Variants in TSPAN7 observed in about 807,000 individuals in gnomAD.
TSPAN7 encodes tetraspanin-7.
In TSPAN7, 1 loss-of-function variant was observed where a neutral mutation model predicts 17.6. That is an observed-to-expected ratio of 0.06 (90% CI 0.02 to 0.27). TSPAN7 has a LOEUF of 0.27. Among genes scored for constraint, TSPAN7 ranks in the 10% least tolerant of loss-of-function variants. The pLI is 1.00. For synonymous variants in TSPAN7, 78 were observed against 79.0 expected (o/e 0.99, Z 0.07); for missense variants, 112 against 201.7 (o/e 0.56, Z 2.69).
chrX:38,571,871 A>C (rs7884955), intron 1 of TSPAN7, among the ~76,000 whole-genome samples: 8,410 of 111,110 alleles, frequency 0.076, 633 homozygotes, highest in African/African-American at 0.23. Context: ...GGTACCATAA[A>C]GCTGAATTGA....
chrX:38,663,886 T>G (rs1407388280), intron 1 of TSPAN7, among the ~76,000 whole-genome samples: 1 of 112,458 alleles, frequency 8.9e-6, no homozygotes, highest in Non-Finnish European at 1.9e-5. Flanking sequence ...GCAATCACAT[T>G]CCAATAAGGA....
At chrX:38,572,294 A>G (rs1030275222) in intron 1 of TSPAN7, among the ~76,000 whole-genome samples, 2 of 111,402 alleles carry the variant, frequency 1.8e-5, no homozygotes, top group Non-Finnish European at 3.8e-5. Flanking sequence ...AAGCATGTTC[A>G]CTGCAGTGTG....
At chrX:38,626,003 C>T (rs944280334) in intron 1 of TSPAN7, among the ~76,000 whole-genome samples, 1 of 112,072 alleles carries the variant, frequency 8.9e-6, no homozygotes, top group Non-Finnish European at 1.9e-5. Context: ...ATGGGAATCA[C>T]GTGAATTTGT....
chrX:38,589,727 C>T (rs2069280152), intron 1 of TSPAN7, among the ~76,000 whole-genome samples: 1 of 111,575 alleles, frequency 9.0e-6, no homozygotes, highest in East Asian at 2.8e-4. Context: ...TCTTTTTCTA[C>T]CTTCTGTTAG....
intron 1 of TSPAN7, among the ~76,000 whole-genome samples, chrX:38,562,608 G>T (rs2069119291): frequency 9.1e-6 from 1 of 109,775 alleles, no homozygotes; most frequent in Non-Finnish European, 1.9e-5. Context: ...CTCCAGGCTT[G>T]TGCCTTACCT....
chrX:38,677,480 G>A (rs1055412352), intron 5 of TSPAN7, among the ~76,000 whole-genome samples: 3 of 111,879 alleles, frequency 2.7e-5, no homozygotes, highest in African/African-American at 9.7e-5. Flanking sequence ...GTTTGGAGAC[G>A]TATCTTATAG....
intron 1 of TSPAN7, among the ~76,000 whole-genome samples, chrX:38,657,552 T>G (rs773141377): frequency 1.3e-4 from 14 of 111,567 alleles, no homozygotes; most frequent in Admixed American, 1.2e-3. Flanking sequence ...TGTTGACCAG[T>G]CTTTGGCATC....
chrX:38,681,412 C>A lies in TSPAN7; in HGVS notation c.681+125C>A, dbSNP rs1023964933. 7.2e-5 allele frequency: 41 copies of A among 568,741 alleles called. No homozygotes were observed. The Admixed American group carries it at 1.0e-3, about 14-fold the overall frequency. The allele number at this position is 568,741 out of a possible 1,213,427, so 46.9% of individuals were successfully genotyped here. On this transcript the variant is annotated intron_variant, in intron 6 of 7. Transcript: ENST00000378482. ...TGATAGATGGGGTCAAAGCTCCTTG[C>A]TCATTAGTCCTCAGGTGATCTGTTT...
chrX:38,675,884 A>G, intron 5 of TSPAN7, 24 bp downstream of exon 5: 1 of 1,208,981 alleles, frequency 8.3e-7, no homozygotes, highest in Non-Finnish European at 1.1e-6. Flanking sequence ...CCTGGCCCAG[A>G]TGGGACCAGT....
At chrX:38,646,524 C>T (rs775927588) in intron 1 of TSPAN7, among the ~76,000 whole-genome samples, 12 of 111,965 alleles carry the variant, frequency 1.1e-4, no homozygotes, top group Non-Finnish European at 1.3e-4. Context: ...GGAGAAAGTG[C>T]GTTCGCAATT....
intron 5 of TSPAN7, 53 bp downstream of exon 5, chrX:38,675,913 C>A: frequency 8.7e-7 from 1 of 1,153,455 alleles, no homozygotes; most frequent in Non-Finnish European, 1.2e-6. Flanking sequence ...TTTGGGGGGG[C>A]TTTTTTATTT....
At chrX:38,632,542 C>A (rs1330675403) in intron 1 of TSPAN7, among the ~76,000 whole-genome samples, 1 of 112,291 alleles carries the variant, frequency 8.9e-6, no homozygotes, top group Non-Finnish European at 1.9e-5. Context: ...CTGCCGGCAG[C>A]CAGAAAGGAA....
chrX:38,598,991 T>C (rs1217525434), intron 1 of TSPAN7, among the ~76,000 whole-genome samples: 3 of 112,060 alleles, frequency 2.7e-5, no homozygotes, highest in Non-Finnish European at 5.7e-5. Flanking sequence ...TTTTACTTTC[T>C]GCTTTCCCTG....
chrX:38,664,627 T>C (rs1180440897), intron 1 of TSPAN7, among the ~76,000 whole-genome samples: 2 of 112,361 alleles, frequency 1.8e-5, no homozygotes, highest in Non-Finnish European at 3.8e-5. Context: ...AATATTAGTG[T>C]CAAACACTTT....
At chrX:38,644,723 GT>G (rs1216738543) in intron 1 of TSPAN7, among the ~76,000 whole-genome samples, 7 of 112,309 alleles carry the variant, frequency 6.2e-5, no homozygotes, top group Non-Finnish European at 1.1e-4. Flanking sequence ...AATTGTGAGG[GT>G]TGGACTAGAG....
At position 38,688,292 on chromosome X, in the gene TSPAN7, C is replaced by T. The variant is rs1299847772; in HGVS notation, c.*361C>T. ...TGACTGGTTATCACACCATCGCTGG[C>T]CCCTTTGGGCCCTGCATGTAGTGTG... On this transcript the variant is annotated 3_prime_UTR_variant, in exon 8 of 8. Coordinates refer to ENST00000378482, the MANE Select transcript of TSPAN7 (RefSeq NM_004615.4). 2 of 113,503 alleles carry T rather than the reference C, an allele frequency of 1.8e-5. No individual in the cohort carries two copies. The highest frequency in any genetic ancestry group is 3.7e-5 in the Non-Finnish European group (2 of 53,513). The allele number at this position is 113,503 out of a possible 1,213,427, so 9.4% of individuals were successfully genotyped here.
At chrX:38,609,523 G>A (rs2069405916) in intron 1 of TSPAN7, among the ~76,000 whole-genome samples, 1 of 109,984 alleles carries the variant, frequency 9.1e-6, no homozygotes, top group African/African-American at 3.3e-5. Context: ...ATTCAGTTTT[G>A]ATCTCCTGTT....
intron 1 of TSPAN7, among the ~76,000 whole-genome samples, chrX:38,641,351 A>G (rs2069610850): frequency 8.9e-6 from 1 of 112,159 alleles, no homozygotes; most frequent in South Asian, 3.8e-4. Flanking sequence ...GAAGGCATGT[A>G]TGTTGTTCTT....
In TSPAN7 at chrX:38,676,876, C is replaced by T. The variant is rs140699126; in HGVS notation, c.597+1016C>T. 8.5e-3 allele frequency among the ~76,000 whole-genome samples: 954 copies of T among 112,218 alleles called. 7 individuals carry two copies. Among genetic ancestry groups the T allele is most frequent in the African/African-American group, 0.029 (897 of 30,932 alleles). On this transcript the variant is annotated intron_variant, in intron 5 of 7. Coordinates refer to ENST00000378482, the MANE Select transcript of TSPAN7 (RefSeq NM_004615.4). ...CATCTCTTATTAGTTAATAAGGTAA[C>T]TTCTGGCTTCCTCATGGACATCCCC...
Sources: gnomAD v4.1 joint callset for allele counts (sites outside exome capture counted in the v4.1 genomes callset) on GRCh38, gnomAD v4.1.1 for gene constraint, MANE v1.5 for transcripts, NCBI Gene and HGNC (gene_info 2026-07-23, HGNC 2026-07-21) for gene names.